Variants in FBXL17 observed in about 807,000 individuals in gnomAD.
FBXL17 encodes the protein F-box/LRR-repeat protein 17.
In FBXL17, 22 loss-of-function variants were observed where a neutral mutation model predicts 66.2. The observed-to-expected ratio is 0.33, with a 90% CI of 0.24 to 0.47. The LOEUF is 0.47. Among genes scored for constraint, FBXL17 ranks in the 20% least tolerant of loss-of-function variants. FBXL17 has a pLI of 1.00. For synonymous variants in FBXL17, 474 were observed against 400.5 expected, an observed-to-expected ratio of 1.18 and a Z score of -2.19; for missense variants, 878 against 948.2, an observed-to-expected ratio of 0.93 and a Z score of 0.97.
chr5:108,203,345 T>C (rs1753979310), intron 5 of FBXL17, among the ~76,000 whole-genome samples: 1 of 152,148 alleles, frequency 6.6e-6, no homozygotes, highest in South Asian at 2.1e-4. Context: ...CAATCAGTAA[T>C]CATACAATTA....
intron 8 of FBXL17, chr5:107,879,986 A>G (rs547802734): frequency 1.3e-6 from 1 of 789,078 alleles, no homozygotes; most frequent in Admixed American, 6.2e-5. Flanking sequence ...AATGCAAATA[A>G]CTATTTCTTA....
At chr5:108,103,936 C>G (rs1456933918) in intron 6 of FBXL17, among the ~76,000 whole-genome samples, 1 of 152,160 alleles carries the variant, frequency 6.6e-6, no homozygotes, top group Non-Finnish European at 1.5e-5. Flanking sequence ...ATCCTTTTCC[C>G]TCATTTTACA....
At chr5:107,933,215 C>A (rs1469975668) in intron 7 of FBXL17, among the ~76,000 whole-genome samples, 1 of 152,158 alleles carries the variant, frequency 6.6e-6, no homozygotes, top group African/African-American at 2.4e-5. Flanking sequence ...TACTGCAGCA[C>A]AGAATTAGGA....
chr5:107,878,726 G>A, intron 8 of FBXL17: 1 of 985,438 alleles, frequency 1.0e-6, no homozygotes, highest in Non-Finnish European at 1.2e-6. Flanking sequence ...CAACAAGCAG[G>A]CTTTTCTGTG....
chr5:107,872,412 A>C lies in FBXL17; in HGVS notation c.1965+8625T>G, dbSNP rs531845850. The stretch of plus-strand genomic sequence containing the variant: ...TTTTACAATCCATTAAATTATTAAG[A>C]GGCAGTGGGATCTGACGGTTTTCAA... On this transcript the variant is annotated intron_variant, in intron 8 of 8. Transcript: ENST00000542267. 4.1e-4 allele frequency among the ~76,000 whole-genome samples: 63 copies of C among 152,352 alleles called. 1 individual carries two copies. The South Asian group carries it at 0.013, about 31-fold the overall frequency.
chr5:107,981,753 A>T (rs181299327), intron 7 of FBXL17, among the ~76,000 whole-genome samples: 6 of 152,234 alleles, frequency 3.9e-5, no homozygotes, highest in African/African-American at 1.4e-4. Context: ...TCTTGCCAGC[A>T]TGCGGAGGGG....
intron 4 of FBXL17, among the ~76,000 whole-genome samples, chr5:108,260,302 T>C (rs1012078771): frequency 2.6e-5 from 4 of 152,160 alleles, no homozygotes; most frequent in Non-Finnish European, 5.9e-5. Context: ...ATCAGAGTGA[T>C]TGGGAGATTG....
At chr5:108,039,236 T>C (rs931095057) in intron 6 of FBXL17, among the ~76,000 whole-genome samples, 1 of 151,978 alleles carries the variant, frequency 6.6e-6, no homozygotes, top group African/African-American at 2.4e-5. Flanking sequence ...GTAAATCAAG[T>C]ATTTAATTAA....
intron 7 of FBXL17, among the ~76,000 whole-genome samples, chr5:107,901,770 CA>C (rs1749573868): frequency 6.6e-6 from 1 of 152,060 alleles, no homozygotes; most frequent in Admixed American, 6.6e-5. Flanking sequence ...TTCAAAAACA[CA>C]CAAAGATAAA....
chr5:108,004,448 T>A (rs1399246482), intron 7 of FBXL17, among the ~76,000 whole-genome samples: 2 of 152,108 alleles, frequency 1.3e-5, no homozygotes, highest in Non-Finnish European at 2.9e-5. Flanking sequence ...AAAATAATAT[T>A]CCACTATCAT....
chr5:107,978,365 T>C (rs917153980), intron 7 of FBXL17, among the ~76,000 whole-genome samples: 6 of 152,186 alleles, frequency 3.9e-5, no homozygotes, highest in African/African-American at 1.4e-4. Context: ...ACTGCCTTTG[T>C]AAAACTAATG....
chr5:108,184,690 G>A (rs905351355), intron 6 of FBXL17, among the ~76,000 whole-genome samples: 2 of 134,480 alleles, frequency 1.5e-5, no homozygotes, highest in African/African-American at 2.8e-5. Context: ...GCTGAAGTGA[G>A]CAGAGATCAT....
chr5:108,117,916 A>G (rs1485238862), intron 6 of FBXL17, among the ~76,000 whole-genome samples: 1 of 152,196 alleles, frequency 6.6e-6, no homozygotes, highest in African/African-American at 2.4e-5. Context: ...TACATTAGAT[A>G]GCTGAGAAAA....
intron 7 of FBXL17, among the ~76,000 whole-genome samples, chr5:107,882,294 T>C (rs1016416524): frequency 1.1e-4 from 17 of 152,190 alleles, no homozygotes; most frequent in Non-Finnish European, 2.2e-4. Flanking sequence ...AACAAATGTT[T>C]ACTCCTACAG....
chr5:108,202,844 C>A (rs1271689237), intron 5 of FBXL17, among the ~76,000 whole-genome samples: 1 of 152,136 alleles, frequency 6.6e-6, no homozygotes, highest in Non-Finnish European at 1.5e-5. Flanking sequence ...GTGGGATCTA[C>A]TGGATCCCCT....
intron 6 of FBXL17, among the ~76,000 whole-genome samples, chr5:108,037,121 T>C (rs561272999): frequency 1.4e-5 from 2 of 147,076 alleles, no homozygotes; most frequent in East Asian, 3.9e-4. Flanking sequence ...TCAGTAAACA[T>C]ATCTCCTATG....
At chr5:107,876,904 T>C (rs1748630738) in intron 8 of FBXL17, among the ~76,000 whole-genome samples, 1 of 152,240 alleles carries the variant, frequency 6.6e-6, no homozygotes, top group Non-Finnish European at 1.5e-5. Flanking sequence ...TATTAGAGTG[T>C]CCCGTTGATT....
intron 6 of FBXL17, among the ~76,000 whole-genome samples, chr5:108,125,493 ATT>A (rs1167046290): frequency 6.6e-6 from 1 of 152,102 alleles, no homozygotes; most frequent in Non-Finnish European, 1.5e-5. Context: ...ATCAGCTAGA[ATT>A]TAAGTTATCC....
At chr5:108,355,553 A>G (rs1747933959) in intron 3 of FBXL17, among the ~76,000 whole-genome samples, 1 of 152,064 alleles carries the variant, frequency 6.6e-6, no homozygotes, top group Non-Finnish European at 1.5e-5. Flanking sequence ...AAAGTGCTGG[A>G]ATTTCAGACA....
Sources: gnomAD v4.1 joint callset for allele counts (sites outside exome capture counted in the v4.1 genomes callset) on GRCh38, gnomAD v4.1.1 for gene constraint, MANE v1.5 for transcripts, NCBI Gene and HGNC (gene_info 2026-07-23, HGNC 2026-07-21) for gene names.